The following MEGF11 variants were observed in gnomAD, a reference collection of about 807,000 sequenced individuals.
The protein encoded by MEGF11 is multiple epidermal growth factor-like domains protein 11.
A neutral mutation model predicts 146.6 loss-of-function variants in MEGF11; 126 were observed. That is an observed-to-expected ratio of 0.86 (90% CI 0.74 to 1.00). MEGF11 has a LOEUF of 1.00. Among genes scored for constraint, MEGF11 ranks in the 50% least tolerant of loss-of-function variants. The pLI, the probability that MEGF11 is intolerant of heterozygous loss-of-function variation, is 0.00. For synonymous variants in MEGF11, 532 were observed against 583.4 expected, an observed-to-expected ratio of 0.91 and a Z score of 1.27; for missense variants, 1,509 against 1,521.2, an observed-to-expected ratio of 0.99 and a Z score of 0.13.
intron 1 of MEGF11, among the ~76,000 whole-genome samples, chr15:66,249,838 GT>G (rs1383039419): frequency 6.6e-6 from 1 of 152,206 alleles, no homozygotes; most frequent in African/African-American, 2.4e-5. Flanking sequence ...AGTAACCTGT[GT>G]TTTCACAAGC....
At chr15:66,096,965 A>G (rs1227138880) in intron 4 of MEGF11, among the ~76,000 whole-genome samples, 1 of 152,138 alleles carries the variant, frequency 6.6e-6, no homozygotes, top group Non-Finnish European at 1.5e-5. Context: ...TCAGTCCTGT[A>G]TCCAGCCCCT....
chr15:65,987,282 C>T (rs539544872), intron 5 of MEGF11, among the ~76,000 whole-genome samples: 11 of 152,302 alleles, frequency 7.2e-5, no homozygotes, highest in Middle Eastern at 3.4e-3. Flanking sequence ...CAGATGGACA[C>T]GGTATGCTGG....
chr15:66,187,444 G>C (rs1597141808), intron 1 of MEGF11, among the ~76,000 whole-genome samples: 1 of 152,334 alleles, frequency 6.6e-6, no homozygotes, highest in East Asian at 1.9e-4. Flanking sequence ...GCCTGCCTCT[G>C]AGGGTGGAAG....
At chr15:65,922,614 A>G (rs936956985) in intron 14 of MEGF11, 142 bp from the exon 15 acceptor site, 30 of 1,351,318 alleles carry the variant, frequency 2.2e-5, no homozygotes, top group Non-Finnish European at 2.7e-5. Context: ...TTCTGCAGAG[A>G]AGAGCTGTGG....
chr15:66,085,770 T>C (rs1316634016), intron 5 of MEGF11, among the ~76,000 whole-genome samples: 2 of 152,126 alleles, frequency 1.3e-5, no homozygotes, highest in Non-Finnish European at 2.9e-5. Context: ...ACAAGGCTCT[T>C]CAACACCCCT....
chr15:66,192,141 C>T (rs1015947485), intron 1 of MEGF11, among the ~76,000 whole-genome samples: 3 of 151,512 alleles, frequency 2.0e-5, no homozygotes, highest in African/African-American at 7.3e-5. Flanking sequence ...CAACAAATAT[C>T]GAGGGCTTAC....
intron 4 of MEGF11, among the ~76,000 whole-genome samples, chr15:66,103,399 CTG>C (rs1255440818): frequency 6.6e-6 from 1 of 152,222 alleles, no homozygotes; most frequent in Non-Finnish European, 1.5e-5. Flanking sequence ...CATAACCTCT[CTG>C]TGTCTCCATT....
At chr15:66,112,222 A>G (rs925543321) in intron 4 of MEGF11, among the ~76,000 whole-genome samples, 1 of 152,218 alleles carries the variant, frequency 6.6e-6, no homozygotes, top group Admixed American at 6.5e-5. Context: ...GAAAGAGACT[A>G]TAAAAGAAAT....
chr15:66,037,153 G>A (rs2083755705), intron 5 of MEGF11, among the ~76,000 whole-genome samples: 2 of 152,168 alleles, frequency 1.3e-5, no homozygotes, highest in African/African-American at 4.8e-5. Flanking sequence ...ATGCTGGGAG[G>A]GTGATGGGGA....
At chr15:66,099,117 C>T (rs1024322909) in intron 4 of MEGF11, among the ~76,000 whole-genome samples, 1 of 152,072 alleles carries the variant, frequency 6.6e-6, no homozygotes, top group Non-Finnish European at 1.5e-5. Flanking sequence ...AAACACTCTC[C>T]TGGGTTGCAG....
chr15:66,191,199 T>C (rs2090865029), intron 1 of MEGF11, among the ~76,000 whole-genome samples: 1 of 152,212 alleles, frequency 6.6e-6, no homozygotes, highest in Admixed American at 6.5e-5. Flanking sequence ...AATCCTACTT[T>C]GCTATCCCAT....
chr15:66,170,585 C>T (rs2090222720), intron 1 of MEGF11, among the ~76,000 whole-genome samples: 1 of 152,168 alleles, frequency 6.6e-6, no homozygotes, highest in African/African-American at 2.4e-5. Context: ...TCCTTCTTGC[C>T]AAGTGAGTTG....
At chr15:65,958,071 T>G (rs2080721727) in intron 9 of MEGF11, among the ~76,000 whole-genome samples, 1 of 152,228 alleles carries the variant, frequency 6.6e-6, no homozygotes, top group East Asian at 1.9e-4. Flanking sequence ...CCTTGGCTTA[T>G]AGACTATGCA....
At chr15:65,941,789 A>G (rs1244091101) in intron 10 of MEGF11, among the ~76,000 whole-genome samples, 2 of 152,238 alleles carry the variant, frequency 1.3e-5, no homozygotes, top group East Asian at 1.9e-4. Flanking sequence ...TGCACAGTAT[A>G]TGCATGATGG....
intron 1 of MEGF11, among the ~76,000 whole-genome samples, chr15:66,222,252 G>A (rs538471180): frequency 4.4e-4 from 67 of 152,084 alleles, no homozygotes; most frequent in African/African-American, 1.5e-3. Context: ...CTTGGACCCA[G>A]TACCAACCTC....
chr15:66,060,682 T>C (rs1056346850), intron 5 of MEGF11, among the ~76,000 whole-genome samples: 11 of 152,242 alleles, frequency 7.2e-5, no homozygotes, highest in Non-Finnish European at 7.3e-5. Context: ...TAACCTGGTG[T>C]GTCTGTCCCT....
intron 1 of MEGF11, among the ~76,000 whole-genome samples, chr15:66,132,214 G>A (rs1597113217): frequency 6.6e-6 from 1 of 152,156 alleles, no homozygotes; most frequent in African/African-American, 2.4e-5. Flanking sequence ...AGCACCTGTG[G>A]AGGCCAGTCT....
At chr15:66,073,566 A>G (rs1291330460) in intron 5 of MEGF11, among the ~76,000 whole-genome samples, 2 of 152,154 alleles carry the variant, frequency 1.3e-5, no homozygotes, top group Admixed American at 1.3e-4. Context: ...TCCAGGATCT[A>G]ACAGATCACT....
intron 1 of MEGF11, among the ~76,000 whole-genome samples, chr15:66,221,768 G>A (rs1475322317): frequency 6.6e-6 from 1 of 151,888 alleles, no homozygotes; most frequent in East Asian, 1.9e-4. Context: ...ACAACCCCCT[G>A]AGAATTAAAC....
Sources: gnomAD v4.1 joint callset for allele counts (sites outside exome capture counted in the v4.1 genomes callset) on GRCh38, gnomAD v4.1.1 for gene constraint, MANE v1.5 for transcripts, NCBI Gene and HGNC (gene_info 2026-07-23, HGNC 2026-07-21) for gene names.